SHCBP1L: variants seen among roughly 807,000 people sequenced by gnomAD.
SHCBP1L encodes the protein testicular spindle-associated protein SHCBP1L.
A neutral mutation model predicts 62.5 loss-of-function variants in SHCBP1L; 67 were observed. That is an observed-to-expected ratio of 1.07 (90% CI 0.88 to 1.31). The LOEUF (loss-of-function observed/expected upper bound fraction) is 1.31, where lower values mean the gene tolerates loss of function less well. Ranked by LOEUF, SHCBP1L falls within the 40% of genes most tolerant of loss-of-function variation. The pLI, the probability that SHCBP1L is intolerant of heterozygous loss-of-function variation, is 0.00. For missense variants in SHCBP1L, 823 were observed against 809.8 expected (o/e 1.02, Z -0.20); for synonymous variants, 284 against 289.4 (o/e 0.98, Z 0.19).
At chr1:182,907,051 C>T (rs6668735) in intron 6 of SHCBP1L, among the ~76,000 whole-genome samples, 3,474 of 151,530 alleles carry the variant, frequency 0.023, 135 homozygotes, top group African/African-American at 0.081. Context: ...CTCCTCAGCT[C>T]AAGTGATCAC....
At chr1:182,946,825 T>C (rs943679828) in intron 2 of SHCBP1L, among the ~76,000 whole-genome samples, 1 of 152,246 alleles carries the variant, frequency 6.6e-6, no homozygotes, top group Admixed American at 6.5e-5. Flanking sequence ...TATTTTTCTA[T>C]CTTCAAGCAC....
intron 6 of SHCBP1L, among the ~76,000 whole-genome samples, chr1:182,910,516 C>T (rs1480416718): frequency 6.6e-6 from 1 of 152,172 alleles, no homozygotes; most frequent in African/African-American, 2.4e-5. Flanking sequence ...GTGGCTTTCC[C>T]TTTGCCCCAT....
chr1:182,902,341 G>C (rs573249561), intron 9 of SHCBP1L, among the ~76,000 whole-genome samples: 1 of 152,176 alleles, frequency 6.6e-6, no homozygotes, highest in Non-Finnish European at 1.5e-5. Flanking sequence ...GTGAGCCACT[G>C]TGCCTGGCCT....
At chr1:182,946,384 T>C (rs1651565956) in intron 2 of SHCBP1L, among the ~76,000 whole-genome samples, 1 of 152,046 alleles carries the variant, frequency 6.6e-6, no homozygotes, top group Non-Finnish European at 1.5e-5. Flanking sequence ...GCTCTTTCTG[T>C]GGTAAATCAG....
chr1:182,938,185 G>A (rs1651241937), intron 5 of SHCBP1L, among the ~76,000 whole-genome samples: 3 of 151,980 alleles, frequency 2.0e-5, no homozygotes, highest in African/African-American at 7.3e-5. Flanking sequence ...TCGGCTCACC[G>A]CAACCTCCGC....
chr1:182,912,475 T>C (rs1450907383), intron 6 of SHCBP1L, among the ~76,000 whole-genome samples: 1 of 151,984 alleles, frequency 6.6e-6, no homozygotes, highest in Non-Finnish European at 1.5e-5. Flanking sequence ...CTGTGTACTT[T>C]CCCTGATACC....
rs780391136 is a variant in SHCBP1L, at chr1:182,903,104, G to A, written c.1645C>T (p.His549Tyr). 3.1e-6 allele frequency: 5 copies of A among 1,600,356 alleles called. No individual in the cohort carries two copies. Among genetic ancestry groups the A allele is most frequent in the Non-Finnish European group, 4.3e-6 (5 of 1,172,838 alleles). Reference sequence around the variant, plus strand: ...CTGGTTCTGAGGTTATTACAGTGATGAATTTCATTTCTTTCCAAAATAGCT... The same window carrying A: ...CTGGTTCTGAGGTTATTACAGTGATAAATTTCATTTCTTTCCAAAATAGCT... ...SIAILERNEI[H>Y]HCNNLRTSNS... Residue 549 changes from histidine (H) to tyrosine (Y), a missense_variant, in exon 9 of 10, where the codon CAT becomes TAT. His to Tyr is a moderately conservative substitution (Grantham distance 83). Transcript: ENST00000367547.
intron 1 of SHCBP1L, among the ~76,000 whole-genome samples, chr1:182,952,191 AATATATATATATATAT>A (rs869051143): frequency 0.019 from 455 of 24,198 alleles, 1 homozygote; most frequent in Admixed American, 0.032. Context: ...AAAAAAAAAA[AATATATATATATATAT>A]ATATATATAT....
rs765353570 is a variant in SHCBP1L at position 182,952,910 on chromosome 1, G to C, written c.224C>G (p.Ala75Gly). ...CTCTCCCGTGTCCTCGGCCTGAGCCGCGGGCAGGCGCTGGAGCCGCAGCCT... is the reference window on the plus strand; with the variant it reads ...CTCTCCCGTGTCCTCGGCCTGAGCCCCGGGCAGGCGCTGGAGCCGCAGCCT... ...TARLRLQRLP[A>G]AQAEDTGEAA... is the part of the protein sequence containing the mutation. The change falls in exon 1 of 10, where the codon GCG becomes GGG. Residue 75 changes from alanine (A) to glycine (G), a missense_variant. Physicochemically the swap from Ala to Gly is moderately conservative, Grantham distance 60. Coordinates refer to ENST00000367547, the MANE Select transcript of SHCBP1L (RefSeq NM_030933.4). The C allele has an allele frequency of 1.3e-6, 2 of 1,571,136 alleles. No individual in the cohort carries two copies. The highest frequency in any genetic ancestry group is 1.7e-6 in the Non-Finnish European group (2 of 1,159,380).
At chr1:182,939,585 CA>C (rs776185959) in intron 3 of SHCBP1L, 32 bp from the exon 4 acceptor site, 1 of 1,472,512 alleles carries the variant, frequency 6.8e-7, no homozygotes, top group Non-Finnish European at 9.3e-7. Context: ...TGACAGTAAT[CA>C]AAAACAGCCA....
At chr1:182,915,697 C>A (rs1169225931) in intron 6 of SHCBP1L, among the ~76,000 whole-genome samples, 1 of 151,660 alleles carries the variant, frequency 6.6e-6, no homozygotes. Context: ...GGCCACAAAA[C>A]AAGTCTCAAT....
chr1:182,904,908 A>C (rs920615965), intron 7 of SHCBP1L, among the ~76,000 whole-genome samples: 1 of 151,982 alleles, frequency 6.6e-6, no homozygotes, highest in African/African-American at 2.4e-5. Flanking sequence ...CACCACATCC[A>C]GCTAACTTTT....
chr1:182,925,580 A>G (rs1277157609), intron 6 of SHCBP1L, among the ~76,000 whole-genome samples: 1 of 152,256 alleles, frequency 6.6e-6, no homozygotes, highest in Non-Finnish European at 1.5e-5. Flanking sequence ...AGTTTTGGTG[A>G]GGACTGGAGA....
rs1290850142 is a variant in SHCBP1L, at chr1:182,951,399, A to C, written c.474T>G (p.Leu158=). ...CACTGGGATTAGTCTTCCAGACTCC[A>C]AGCCATTTGTCTTTCAACTTTAATT... is the stretch of plus-strand genomic sequence containing the variant. ...SEKLKLKDKW[L]GVWKTNPSVF... Residue 158 remains leucine, a synonymous_variant, in exon 2 of 10, where the codon CTT becomes CTG. Transcript: ENST00000367547. The C allele has an allele frequency of 2.5e-6, 4 of 1,609,748 alleles. No homozygotes were observed. Among genetic ancestry groups the C allele is most frequent in the Middle Eastern group, 1.6e-4 (1 of 6,070 alleles).
intron 6 of SHCBP1L, among the ~76,000 whole-genome samples, chr1:182,905,974 G>T (rs1180454143): frequency 6.6e-6 from 1 of 151,992 alleles, no homozygotes; most frequent in South Asian, 2.1e-4. Context: ...TCGCTCTGTC[G>T]CCCAGGCTGG....
chr1:182,944,153 T>TAAATAAATAAATAAATAAAA (rs1211471779), intron 2 of SHCBP1L, among the ~76,000 whole-genome samples: 8 of 147,844 alleles, frequency 5.4e-5, no homozygotes, highest in Admixed American at 2.0e-4. Context: ...AATAAATAAA[T>TAAATAAATAAATAAATAAAA]AAAAGAGGCC....
At chr1:182,924,964 A>AAGAAAGAAAGAAAGAAAG (rs1553245987) in intron 6 of SHCBP1L, among the ~76,000 whole-genome samples, 1 of 141,748 alleles carries the variant, frequency 7.1e-6, no homozygotes, top group Admixed American at 6.9e-5. Flanking sequence ...GAAAGAAAGA[A>AAGAAAGAAAGAAAGAAAG]AGAAAGAAAG....
intron 2 of SHCBP1L, among the ~76,000 whole-genome samples, chr1:182,943,591 C>A (rs1255111089): frequency 6.6e-6 from 1 of 151,572 alleles, no homozygotes; most frequent in East Asian, 2.0e-4. Context: ...GGATTACAGG[C>A]ATGCACCACC....
At chr1:182,942,284 G>C in intron 2 of SHCBP1L, 1 of 1,139,438 alleles carries the variant, frequency 8.8e-7, no homozygotes, top group Admixed American at 1.7e-5. Context: ...ATCCTTCGCT[G>C]CTGCCTTTTT....
Sources: allele counts gnomAD v4.1 joint callset (sites outside exome capture counted in the v4.1 genomes callset), GRCh38; gene constraint gnomAD v4.1.1; transcripts MANE v1.5; gene names NCBI Gene and HGNC (gene_info 2026-07-23, HGNC 2026-07-21).